The following NXN variants were observed in gnomAD, a reference collection of about 807,000 sequenced individuals.
The protein encoded by NXN is nucleoredoxin 1.
NXN carries 16 observed loss-of-function variants against 48.6 expected under a neutral mutation model. The ratio of observed to expected loss-of-function variants is 0.33; its 90% CI spans 0.22 to 0.50. The LOEUF (loss-of-function observed/expected upper bound fraction) is 0.50, where lower values mean the gene tolerates loss of function less well. Ranked by LOEUF, NXN falls within the 20% of genes least tolerant of loss-of-function variation. The pLI is 0.98. For missense variants in NXN, 492 were observed against 605.5 expected (o/e 0.81, Z 1.97); for synonymous variants, 281 against 269.6 (o/e 1.04, Z -0.41).
At chr17:826,111 G>A (rs562132103) in intron 1 of NXN, 33 bp from the exon 2 acceptor site, 17 of 1,401,118 alleles carry the variant, frequency 1.2e-5, no homozygotes, top group African/African-American at 1.1e-4. Flanking sequence ...AGGTGGTTAA[G>A]TCCAAACCAG....
intron 1 of NXN, among the ~76,000 whole-genome samples, chr17:854,509 G>T (rs2067963772): frequency 6.6e-6 from 1 of 151,514 alleles, no homozygotes; most frequent in Non-Finnish European, 1.5e-5. Flanking sequence ...CAAAAAATTA[G>T]CCAGGCGTGG....
chr17:809,871 GTGTGAGTGGCGTGTACGTTAAGAGTCCC>G (rs1369802452), intron 5 of NXN, among the ~76,000 whole-genome samples: 11 of 150,940 alleles, frequency 7.3e-5, no homozygotes, highest in African/African-American at 2.4e-4. Flanking sequence ...TTACGAGTCA[GTGTGAGTGGCGTGTACGTTAAGAGTCCC>G]TGTGAGTGCC....
At chr17:845,383 C>T (rs773400746) in intron 1 of NXN, among the ~76,000 whole-genome samples, 81 of 151,734 alleles carry the variant, frequency 5.3e-4, no homozygotes, top group Non-Finnish European at 1.9e-4. Context: ...CGTCATCACC[C>T]TTATGGACTC....
chr17:939,569 C>G (rs1384776713), intron 1 of NXN, among the ~76,000 whole-genome samples: 2 of 152,168 alleles, frequency 1.3e-5, no homozygotes, highest in Non-Finnish European at 1.5e-5. Context: ...TGGTCTCAAA[C>G]TCCTGACCTC....
rs570079714 is a variant in NXN at position 863,928 on chromosome 17, T to C, written c.361-37850A>G. On this transcript the variant is annotated intron_variant, in intron 1 of 7. Coordinates refer to ENST00000336868, the MANE Select transcript of NXN (RefSeq NM_022463.5). ...GTTTATGTCAGGCTCATACAGTGTGTTCCCCAGATCAGCAGCAGCAATGCC... is the reference window on the plus strand; with the variant it reads ...GTTTATGTCAGGCTCATACAGTGTGCTCCCCAGATCAGCAGCAGCAATGCC... The C allele has an allele frequency of 7.5e-5, 112 of 1,502,102 alleles. No homozygotes were observed. The South Asian group carries it at 1.3e-3, about 17-fold the overall frequency. The allele number at this position is 1,502,102 out of a possible 1,614,324, so 93.0% of individuals were successfully genotyped here. A position where few individuals can be genotyped will look rare whatever the true frequency, so the allele number is the denominator to read the frequency against.
intron 1 of NXN, among the ~76,000 whole-genome samples, chr17:908,306 G>A (rs1043898317): frequency 1.2e-4 from 18 of 152,128 alleles, no homozygotes; most frequent in Non-Finnish European, 7.4e-5. Flanking sequence ...GGGAGGCTGA[G>A]GCAGGCGGAT....
intron 1 of NXN, among the ~76,000 whole-genome samples, chr17:955,638 T>C (rs2069158327): frequency 6.8e-6 from 1 of 147,676 alleles, no homozygotes; most frequent in South Asian, 2.1e-4. Context: ...GGCTCACGCC[T>C]GTAATCCCAG....
intron 1 of NXN, among the ~76,000 whole-genome samples, chr17:935,216 AC>A (rs974556465): frequency 3.3e-5 from 5 of 151,638 alleles, no homozygotes; most frequent in African/African-American, 1.2e-4. Context: ...ATGGTCTCGA[AC>A]TCCTGGCCTC....
rs532786126 is a variant in NXN at position 959,324 on chromosome 17, C to T, written c.360+19995G>A. ...CAGCTCTGTAGGCCCCTCCCAGGCC[C>T]GCGACACTCCAAGGAGGGCTGGGAG... On this transcript the variant is annotated intron_variant, in intron 1 of 7. Transcript: ENST00000336868. The T allele has an allele frequency of 1.2e-4, 31 of 261,536 alleles. No individual in the cohort carries two copies. In the East Asian group the frequency reaches 1.4e-3, roughly 12 times the overall value. 16.2% of individuals were successfully genotyped at this position (261,536 alleles called of 1,614,324 possible). A position where few individuals can be genotyped will look rare whatever the true frequency, so the allele number is the denominator to read the frequency against.
chr17:833,250 T>C (rs1336172577), intron 1 of NXN, among the ~76,000 whole-genome samples: 2 of 152,118 alleles, frequency 1.3e-5, no homozygotes, highest in Non-Finnish European at 2.9e-5. Context: ...GGAACCCATG[T>C]CATTCATTAG....
chr17:926,230 G>A (rs1300485759), intron 1 of NXN, among the ~76,000 whole-genome samples: 1 of 152,114 alleles, frequency 6.6e-6, no homozygotes, highest in Non-Finnish European at 1.5e-5. Context: ...CTGTCACCCA[G>A]GCCGTAGTGC....
chr17:948,628 A>T (rs543919473), intron 1 of NXN, among the ~76,000 whole-genome samples: 1 of 152,100 alleles, frequency 6.6e-6, no homozygotes, highest in South Asian at 2.1e-4. Context: ...CCAGGGGTGA[A>T]AACCATCACT....
intron 7 of NXN, among the ~76,000 whole-genome samples, chr17:801,477 G>A (rs1262453004): frequency 8.1e-5 from 10 of 124,136 alleles, no homozygotes; most frequent in African/African-American, 2.8e-4. Context: ...ATGGAGTCTC[G>A]CTCTGTCACC....
intron 1 of NXN, among the ~76,000 whole-genome samples, chr17:967,507 C>A (rs1001293372): frequency 6.6e-6 from 1 of 152,106 alleles, no homozygotes; most frequent in South Asian, 2.1e-4. Flanking sequence ...ATTCTACACA[C>A]CTAGATAAGG....
chr17:867,461 C>T (rs1699197757), intron 1 of NXN, among the ~76,000 whole-genome samples: 1 of 152,250 alleles, frequency 6.6e-6, no homozygotes, highest in Admixed American at 6.5e-5. Context: ...GCTTGCCCAG[C>T]TACCAACATA....
chr17:819,709 G>A (rs1052527943), intron 4 of NXN, among the ~76,000 whole-genome samples, 164 bp from the exon 5 acceptor site: 10 of 152,088 alleles, frequency 6.6e-5, no homozygotes, highest in Admixed American at 4.6e-4. Flanking sequence ...ATTCTACCCC[G>A]GCTGGTGTCC....
In NXN at chr17:958,639, CG is replaced by C. The variant is rs1567519627; in HGVS notation, c.360+20679del. Among the ~76,000 whole-genome samples, 1 of 152,030 alleles carries C rather than the reference CG, an allele frequency of 6.6e-6. No individual in the cohort carries two copies. Among genetic ancestry groups the C allele is most frequent in the Non-Finnish European group, 1.5e-5 (1 of 68,030 alleles). On this transcript the variant is annotated intron_variant, in intron 1 of 7. Coordinates refer to ENST00000336868, the MANE Select transcript of NXN (RefSeq NM_022463.5). This position sits in a 1 kb window ranked among gnomAD's most constrained non-coding sequence, Gnocchi z 6.9. Reference sequence around the variant, plus strand: ...TACAAAAATTAGCCAGGCGTGGTGGCGTGCGCCTGTAGTCCCAGCTACTCAG... The same window carrying C: ...TACAAAAATTAGCCAGGCGTGGTGGCTGCGCCTGTAGTCCCAGCTACTCAG...
intron 5 of NXN, among the ~76,000 whole-genome samples, chr17:818,751 G>C (rs1387501707): frequency 4.6e-5 from 7 of 151,982 alleles, no homozygotes; most frequent in Non-Finnish European, 8.8e-5. Context: ...CCGGGCGTGT[G>C]GTGGGCGCCT....
chr17:900,890 T>C (rs569917234), intron 1 of NXN, among the ~76,000 whole-genome samples: 2 of 151,574 alleles, frequency 1.3e-5, no homozygotes, highest in Non-Finnish European at 2.9e-5. Context: ...AGTGTGGACT[T>C]TATGAAAAGA....
Sources: gnomAD v4.1 joint callset for allele counts (sites outside exome capture counted in the v4.1 genomes callset) on GRCh38, gnomAD v4.1.1 for gene constraint, Gnocchi (gnomAD v3.1) non-coding constraint, MANE v1.5 for transcripts, NCBI Gene and HGNC (gene_info 2026-07-23, HGNC 2026-07-21) for gene names.